FMR1NB: variants seen among roughly 807,000 people sequenced by gnomAD.
FMR1NB encodes the protein FMR1 neighbor.
Under a neutral mutation model 16.8 loss-of-function variants are expected in FMR1NB, and 10 were observed. That is an observed-to-expected ratio of 0.60 (90% CI 0.37 to 1.01). FMR1NB has a LOEUF of 1.01. Ranked by LOEUF, FMR1NB falls within the 50% of genes least tolerant of loss-of-function variation. The pLI is 0.01. For synonymous variants in FMR1NB, 83 were observed against 79.1 expected (o/e 1.05, Z -0.26); for missense variants, 205 against 204.8 (o/e 1.00, Z 0.00).
At chrX:148,000,578 A>G (rs782011238) in intron 1 of FMR1NB, among the ~76,000 whole-genome samples, 3 of 112,348 alleles carry the variant, frequency 2.7e-5, no homozygotes, top group African/African-American at 9.7e-5. Flanking sequence ...TATATTAATA[A>G]CATTCAATAA....
intron 2 of FMR1NB, among the ~76,000 whole-genome samples, chrX:148,004,574 A>G (rs2044586704): frequency 1.8e-5 from 2 of 112,527 alleles, no homozygotes; most frequent in Non-Finnish European, 3.8e-5. Flanking sequence ...GAAGACAATA[A>G]CTACAGCTTC....
At chrX:148,023,557 T>C (rs1458121702) in intron 4 of FMR1NB, among the ~76,000 whole-genome samples, 1 of 111,998 alleles carries the variant, frequency 8.9e-6, no homozygotes, top group Non-Finnish European at 1.9e-5. Flanking sequence ...TACAAGGTCC[T>C]GGTATCTTCT....
chrX:147,983,712 A>T (rs2044462601), intron 1 of FMR1NB, among the ~76,000 whole-genome samples: 1 of 111,821 alleles, frequency 8.9e-6, no homozygotes, highest in Non-Finnish European at 1.9e-5. Context: ...ATGTCCTTTG[A>T]TGTAAAAATG....
intron 1 of FMR1NB, among the ~76,000 whole-genome samples, chrX:147,985,117 A>T (rs142656328): frequency 1.8e-5 from 2 of 110,900 alleles, no homozygotes; most frequent in Admixed American, 9.6e-5. Flanking sequence ...CATAAGCGAT[A>T]TTGGTCTGCA....
At chrX:147,987,516 A>T (rs1557187198) in intron 1 of FMR1NB, among the ~76,000 whole-genome samples, 1 of 111,435 alleles carries the variant, frequency 9.0e-6, no homozygotes, top group Non-Finnish European at 1.9e-5. Context: ...TATTCTGTTG[A>T]TTTGGGGTAG....
chrX:147,985,483 G>A (rs1557186996), intron 1 of FMR1NB, among the ~76,000 whole-genome samples: 1 of 109,775 alleles, frequency 9.1e-6, no homozygotes, highest in South Asian at 3.9e-4. Flanking sequence ...CCAACCCCTC[G>A]ACAGGCCCTG....
chrX:147,985,126 C>T (rs1557186961), intron 1 of FMR1NB, among the ~76,000 whole-genome samples: 1 of 110,927 alleles, frequency 9.0e-6, no homozygotes. Flanking sequence ...TATTGGTCTG[C>T]AGTTTTCTTG....
rs782120230 is a variant in FMR1NB, at chrX:148,011,712, G to A, written c.632+3001G>A. Among the ~76,000 whole-genome samples the A allele has an allele frequency of 5.2e-4, 58 of 110,848 alleles. No homozygotes were observed. In the Middle Eastern group the frequency reaches 0.014, roughly 27 times the overall value. On this transcript the variant is annotated intron_variant, in intron 4 of 5. Transcript: ENST00000370467. ...GACAGATTTGGAGTAGATAGAGAGG[G>A]GTCCTTTTCACAGAATTAATTACAT...
chrX:148,017,538 CT>C (rs2044656030), intron 4 of FMR1NB, among the ~76,000 whole-genome samples: 1 of 107,344 alleles, frequency 9.3e-6, no homozygotes, highest in African/African-American at 3.4e-5. Context: ...CTTTTTTTTT[CT>C]TTTTTTTAAT....
chrX:148,021,972 T>C (rs956935234), intron 4 of FMR1NB, among the ~76,000 whole-genome samples: 1 of 109,415 alleles, frequency 9.1e-6, no homozygotes, highest in East Asian at 2.9e-4. Flanking sequence ...TCCCCTTGTT[T>C]CATGGAAACT....
At chrX:148,017,660 G>C (rs781993148) in intron 4 of FMR1NB, among the ~76,000 whole-genome samples, 18 of 106,340 alleles carry the variant, frequency 1.7e-4, no homozygotes, top group Non-Finnish European at 2.1e-4. Flanking sequence ...ACCCACATTA[G>C]GTATATCTCC....
chrX:147,988,101 G>C (rs781976115), intron 1 of FMR1NB, among the ~76,000 whole-genome samples: 1 of 111,915 alleles, frequency 8.9e-6, no homozygotes, highest in East Asian at 2.8e-4. Context: ...TTTCTTCATA[G>C]TGTCATTGGT....
At chrX:147,984,652 T>C (rs1329550905) in intron 1 of FMR1NB, among the ~76,000 whole-genome samples, 5 of 111,991 alleles carry the variant, frequency 4.5e-5, no homozygotes, top group African/African-American at 1.6e-4. Flanking sequence ...ATGTTATCTG[T>C]AAATAGAGAG....
intron 4 of FMR1NB, among the ~76,000 whole-genome samples, chrX:148,014,306 C>T (rs1232822367): frequency 9.0e-6 from 1 of 111,463 alleles, no homozygotes; most frequent in Non-Finnish European, 1.9e-5. Flanking sequence ...TTAAGGATAC[C>T]TGCCAAACCA....
At chrX:147,988,708 T>C (rs1049855070) in intron 1 of FMR1NB, among the ~76,000 whole-genome samples, 13 of 111,790 alleles carry the variant, frequency 1.2e-4, no homozygotes, top group Non-Finnish European at 1.3e-4. Flanking sequence ...TCATTCCTTT[T>C]CAATCTTTTT....
intron 4 of FMR1NB, among the ~76,000 whole-genome samples, chrX:148,019,239 C>A (rs1198882102): frequency 8.9e-6 from 1 of 112,454 alleles, no homozygotes; most frequent in Non-Finnish European, 1.9e-5. Context: ...TCCAGAATTT[C>A]TGCCTGATTA....
intron 2 of FMR1NB, among the ~76,000 whole-genome samples, chrX:148,005,105 G>A (rs1204734197): frequency 3.6e-5 from 4 of 111,988 alleles, no homozygotes; most frequent in African/African-American, 1.3e-4. Context: ...GGCCAGGACG[G>A]TCTCGATCTC....
intron 1 of FMR1NB, among the ~76,000 whole-genome samples, chrX:147,985,287 AT>A (rs1163889004): frequency 1.8e-5 from 2 of 111,151 alleles, no homozygotes; most frequent in Non-Finnish European, 3.8e-5. Flanking sequence ...CCGTTCCTAG[AT>A]TTTTTTTGTT....
intron 1 of FMR1NB, among the ~76,000 whole-genome samples, chrX:147,996,285 C>T (rs1418550379): frequency 8.9e-6 from 1 of 112,043 alleles, no homozygotes; most frequent in East Asian, 2.8e-4. Context: ...AAGCCCTTCA[C>T]ATGTGACTTC....
Sources: allele counts gnomAD v4.1 joint callset (sites outside exome capture counted in the v4.1 genomes callset), GRCh38; gene constraint gnomAD v4.1.1; transcripts MANE v1.5; gene names NCBI Gene and HGNC (gene_info 2026-07-23, HGNC 2026-07-21).